ZBBX: variants seen among roughly 807,000 people sequenced by gnomAD.
ZBBX encodes zinc finger B-box domain containing.
A neutral mutation model predicts 108.5 loss-of-function variants in ZBBX; 101 were observed. The ratio of observed to expected loss-of-function variants is 0.93; its 90% confidence interval spans 0.79 to 1.10. The LOEUF is 1.10. Among genes scored for constraint, ZBBX ranks in the 50% least tolerant of loss-of-function variants. The pLI is 0.00. For missense variants in ZBBX, 1,009 were observed against 941.4 expected (o/e 1.07, Z -0.94); for synonymous variants, 356 against 323.4 (o/e 1.10, Z -1.08).
chr3:167,367,537 A>G (rs1745501566), intron 5 of ZBBX, among the ~76,000 whole-genome samples: 1 of 151,678 alleles, frequency 6.6e-6, no homozygotes, highest in African/African-American at 2.4e-5. Flanking sequence ...TATATTAAGT[A>G]AAATAGTAGG....
chr3:167,372,953 G>A lies in ZBBX; in HGVS notation c.-49-3C>T, dbSNP rs1423702365. 2 of 1,398,946 alleles carry A rather than the reference G, an allele frequency of 1.4e-6. No individual in the cohort carries two copies. The highest frequency in any genetic ancestry group is 2.0e-6 in the Non-Finnish European group (2 of 1,021,078). 86.7% of individuals were successfully genotyped at this position (1,398,946 alleles called of 1,614,324 possible). On this transcript the variant is annotated splice_region_variant and splice_polypyrimidine_tract_variant and intron_variant, in intron 3 of 21. Transcript: ENST00000675490. ...GTTATTCTGATTTGTAAACACTTCT[G>A]TAAAAGTAACAAAGACAAAAGAATT...
the ZBBX span, among the ~76,000 whole-genome samples, chr3:167,216,621 C>A: frequency 6.6e-6 from 1 of 151,932 alleles, no homozygotes; most frequent in African/African-American, 2.4e-5. Flanking sequence ...AGAAAAAATT[C>A]TTTTAAAATT....
chr3:167,280,458 C>A (rs1179636529), intron 20 of ZBBX, among the ~76,000 whole-genome samples: 2 of 150,776 alleles, frequency 1.3e-5, no homozygotes, highest in African/African-American at 2.4e-5. Flanking sequence ...TGAACAGACA[C>A]TTCTCAAAAG....
In ZBBX at chr3:167,313,993, A is replaced by G. The variant is rs751061446; in HGVS notation, c.1398T>C (p.Tyr466=). 7 of 1,592,570 alleles carry G rather than the reference A, an allele frequency of 4.4e-6. No homozygotes were observed. Among genetic ancestry groups the G allele is most frequent in the Non-Finnish European group, 4.3e-6 (5 of 1,171,240 alleles). ...LNLCLRNSST[Y]YKDNSKAETS... is the part of the protein sequence containing the mutation. The stretch of plus-strand genomic sequence containing the variant: ...TGTTACCTTTTGAATTATCTTTATA[A>G]TAAGTAGAGCTGTTTCTCAGACAAA... Residue 466 remains tyrosine (Y), a synonymous_variant, in exon 16 of 22, where the codon TAT becomes TAC. Transcript: ENST00000675490.
chr3:167,352,371 T>A (rs1411623882), intron 8 of ZBBX, among the ~76,000 whole-genome samples: 1 of 151,686 alleles, frequency 6.6e-6, no homozygotes, highest in Non-Finnish European at 1.5e-5. Context: ...ACACACAAAC[T>A]AGAAAACATA....
At chr3:167,264,757 A>G (rs553372772) in intron 20 of ZBBX, among the ~76,000 whole-genome samples, 1 of 152,328 alleles carries the variant, frequency 6.6e-6, no homozygotes, top group East Asian at 1.9e-4. Context: ...CTGAGGTTCT[A>G]TTCTACTGCA....
the ZBBX span, among the ~76,000 whole-genome samples, chr3:167,232,781 A>G: frequency 6.6e-6 from 1 of 151,782 alleles, no homozygotes; most frequent in Non-Finnish European, 1.5e-5. Flanking sequence ...CAGGCTATTC[A>G]TGTCCACCAA....
chr3:167,330,856 GAGGAGGAGGAGGAGGAGAAGA>G (rs1738349298), intron 10 of ZBBX, among the ~76,000 whole-genome samples: 1 of 14,448 alleles, frequency 6.9e-5, no homozygotes, highest in African/African-American at 2.5e-4. Context: ...GGAGGAGGAG[GAGGAGGAGGAGGAGGAGAAGA>G]AGAAGAAGAA....
chr3:167,365,981 AATATAT>A lies in ZBBX; in HGVS notation c.183-11_183-6del. 6.3e-7 allele frequency: 1 copy of A among 1,589,756 alleles called. No homozygotes were observed. The highest frequency in any genetic ancestry group is 8.6e-7 in the Non-Finnish European group (1 of 1,160,636). On this transcript the variant is annotated splice_region_variant and splice_polypyrimidine_tract_variant and intron_variant, in intron 5 of 21. Transcript: ENST00000675490. ...TTCCAGTAATACTCGCTTGACCTTT[AATATAT>A]ATAAACAAGATAAAATGTAATCACT... is the stretch of plus-strand genomic sequence containing the variant.
intron 16 of ZBBX, among the ~76,000 whole-genome samples, chr3:167,307,707 A>C (rs182429675): frequency 1.1e-4 from 16 of 152,274 alleles, no homozygotes; most frequent in Admixed American, 1.0e-3. Context: ...AAAACAAGCA[A>C]TGGGGAAAGG....
chr3:167,291,509 A>G (rs2108570546), intron 18 of ZBBX, among the ~76,000 whole-genome samples: 1 of 152,312 alleles, frequency 6.6e-6, no homozygotes, highest in African/African-American at 2.4e-5. Context: ...AAATGCTGAG[A>G]GATCTTGTCA....
At chr3:167,263,963 T>C (rs1729371082) in intron 20 of ZBBX, among the ~76,000 whole-genome samples, 1 of 152,242 alleles carries the variant, frequency 6.6e-6, no homozygotes. Flanking sequence ...TTTATCATTA[T>C]ATAATGACCT....
the ZBBX span, among the ~76,000 whole-genome samples, chr3:167,191,915 A>C: frequency 8.0e-6 from 1 of 125,086 alleles, no homozygotes; most frequent in Non-Finnish European, 1.7e-5. Context: ...ATATATATAT[A>C]TATATATATA....
At chr3:167,304,637 AT>A (rs927343189) in intron 17 of ZBBX, among the ~76,000 whole-genome samples, 6 of 152,172 alleles carry the variant, frequency 3.9e-5, no homozygotes, top group Non-Finnish European at 2.9e-5. Context: ...GCAAATGTAT[AT>A]TTGGGTATGT....
intron 2 of ZBBX, among the ~76,000 whole-genome samples, chr3:167,377,269 C>T (rs1463173918): frequency 1.3e-5 from 2 of 152,170 alleles, no homozygotes; most frequent in Non-Finnish European, 2.9e-5. Context: ...ACGTACAATG[C>T]TCTATACAGG....
intron 16 of ZBBX, 66 bp downstream of exon 16, chr3:167,313,908 A>G (rs1035407183): frequency 1.4e-6 from 2 of 1,380,070 alleles, no homozygotes; most frequent in African/African-American, 3.0e-5. Context: ...CAAAGCTTTT[A>G]TAGACTGCAA....
At chr3:167,272,847 A>G (rs183814323) in intron 20 of ZBBX, among the ~76,000 whole-genome samples, 4 of 152,298 alleles carry the variant, frequency 2.6e-5, no homozygotes, top group East Asian at 3.9e-4. Context: ...GGAAAACCGA[A>G]TATCAAGGCT....
intron 1 of ZBBX, among the ~76,000 whole-genome samples, chr3:167,397,639 T>C (rs1748291505): frequency 6.6e-6 from 1 of 151,694 alleles, no homozygotes; most frequent in Non-Finnish European, 1.5e-5. Flanking sequence ...AGTCAATAAA[T>C]AAGAGAGAAA....
the ZBBX span, among the ~76,000 whole-genome samples, chr3:167,225,563 G>A: frequency 6.6e-6 from 1 of 151,808 alleles, no homozygotes; most frequent in African/African-American, 2.4e-5. Flanking sequence ...AGATAGAAGA[G>A]TAATCTGACT....
Sources: allele counts gnomAD v4.1 joint callset (sites outside exome capture counted in the v4.1 genomes callset), GRCh38; gene constraint gnomAD v4.1.1; transcripts MANE v1.5; gene names NCBI Gene and HGNC (gene_info 2026-07-23, HGNC 2026-07-21).